Variants in SHPRH observed in about 807,000 individuals in gnomAD.
SHPRH encodes SNF2 histone linker PHD RING helicase, also known as E3 ubiquitin-protein ligase SHPRH.
SHPRH carries 106 observed loss-of-function variants against 202.5 expected under a neutral mutation model. The observed-to-expected ratio is 0.52, with a 90% CI of 0.45 to 0.62. The LOEUF is 0.62. Among genes scored for constraint, SHPRH ranks in the 20% least tolerant of loss-of-function variants. The pLI is 0.00. For synonymous variants in SHPRH, 729 were observed against 686.0 expected, an observed-to-expected ratio of 1.06 and a Z score of -0.98; for missense variants, 1,710 against 2,020.0, an observed-to-expected ratio of 0.85 and a Z score of 2.94.
chr6:145,921,049 T>C, intron 21 of SHPRH, 118 bp downstream of exon 21: 2 of 795,758 alleles, frequency 2.5e-6, no homozygotes, highest in Non-Finnish European at 3.9e-6. Flanking sequence ...AGAGAAATTA[T>C]GCCACCTCAA....
Position 145,891,986 on chromosome 6 carries a change from G to A in SHPRH, c.4874+1229C>T, listed in dbSNP as rs190699751. Among the ~76,000 whole-genome samples the A allele has an allele frequency of 2.0e-3, 308 of 152,188 alleles. 1 individual carries two copies. Among genetic ancestry groups the A allele is most frequent in the African/African-American group, 7.1e-3 (294 of 41,530 alleles). ...CTTGGTGGTATGTTAGAACAAGCCC[G>A]CATTTATTACAGTTACTTTGCCCTA... is the stretch of plus-strand genomic sequence containing the variant. On this transcript the variant is annotated intron_variant, in intron 28 of 29. Coordinates refer to ENST00000275233, the MANE Select transcript of SHPRH (RefSeq NM_001042683.3).
rs117647686 is a variant in SHPRH at position 145,890,999 on chromosome 6, G to C, written c.4874+2216C>G. Among the ~76,000 whole-genome samples the C allele has an allele frequency of 4.2e-3, 637 of 152,094 alleles. 18 individuals are homozygous for C. The East Asian group carries it at 0.071, about 17-fold the overall frequency. On this transcript the variant is annotated intron_variant, in intron 28 of 29. Transcript: ENST00000275233. ...CCAGGATGACTGCAATAGCCTCCAAGACTCTCCCTGCTTCTACTCTTCCTT... is the reference window on the plus strand; with the variant it reads ...CCAGGATGACTGCAATAGCCTCCAACACTCTCCCTGCTTCTACTCTTCCTT...
chr6:145,873,244 T>C (rs1460737238), intron 2 of SHPRH, among the ~76,000 whole-genome samples: 1 of 151,956 alleles, frequency 6.6e-6, no homozygotes, highest in African/African-American at 2.4e-5. Flanking sequence ...GCTGTGGAGA[T>C]GATGAAAAGT....
chr6:145,898,870 G>A (rs1782244983), intron 25 of SHPRH, among the ~76,000 whole-genome samples: 1 of 152,030 alleles, frequency 6.6e-6, no homozygotes, highest in Non-Finnish European at 1.5e-5. Context: ...GGAGTGCAGT[G>A]GTGTAATTAC....
intron 20 of SHPRH, 140 bp from the exon 21 acceptor site, chr6:145,921,532 T>C: frequency 1.4e-6 from 1 of 723,168 alleles, no homozygotes. Context: ...ACATCATAAA[T>C]TTGGCCAGTT....
chr6:145,919,144 A>C (rs1218516666), intron 22 of SHPRH: 2 of 585,736 alleles, frequency 3.4e-6, no homozygotes, highest in East Asian at 6.4e-5. Flanking sequence ...AATAGTGAAC[A>C]CTAAGCATGT....
chr6:145,958,499 T>C (rs949691323), intron 1 of SHPRH, among the ~76,000 whole-genome samples: 21 of 151,986 alleles, frequency 1.4e-4, no homozygotes, highest in African/African-American at 3.9e-4. Context: ...CCAATAACCA[T>C]AAAAGAAACT....
chr6:145,951,565 A>G (rs940336768), intron 3 of SHPRH, among the ~76,000 whole-genome samples: 4 of 152,100 alleles, frequency 2.6e-5, no homozygotes, highest in East Asian at 3.9e-4. Flanking sequence ...TTAAAAGGCC[A>G]TAAGTTTAAA....
At position 145,919,338 on chromosome 6, in the gene SHPRH, T is replaced by C. The variant is rs955671530; in HGVS notation, c.4152+10A>G. On this transcript the variant is annotated intron_variant, in intron 22 of 29. Transcript: ENST00000275233. ...GCTGTTCCCTTTTCTGTGATTTACT[T>C]GCCAATTACCTCATGTGGTTCAATG... is the stretch of plus-strand genomic sequence containing the variant. 1.2e-6 allele frequency: 2 copies of C among 1,612,208 alleles called. No individual in the cohort carries two copies. The highest frequency in any genetic ancestry group is 1.7e-5 in the Admixed American group (1 of 59,842).
rs1357182788 is a variant in SHPRH, at chr6:145,924,780, A to T, written c.3361T>A (p.Leu1121Ile). Residue 1121 changes from leucine (L) to isoleucine (I), a missense_variant, in exon 17 of 30, where the codon TTA becomes ATA. Physicochemically the swap from Leu to Ile is conservative, Grantham distance 5. Coordinates refer to ENST00000275233, the MANE Select transcript of SHPRH (RefSeq NM_001042683.3). The part of the protein sequence containing the change: ...NTEVAEAQQA[L>I]YPVQQTIHEL... ...TGGATGGTCTGCTGCACAGGATATAAAGCTTGCTGGGCTTCAGCAACTTCT... is the reference window on the plus strand; with the variant it reads ...TGGATGGTCTGCTGCACAGGATATATAGCTTGCTGGGCTTCAGCAACTTCT... The T allele has an allele frequency of 2.5e-6, 4 of 1,611,730 alleles. No individual in the cohort carries two copies. The African/African-American group carries it at 4.0e-5, about 16-fold the overall frequency.
intron 28 of SHPRH, 52 bp downstream of exon 28, chr6:145,893,163 G>C (rs1781715018): frequency 2.1e-6 from 3 of 1,443,886 alleles, no homozygotes; most frequent in Non-Finnish European, 2.7e-6. Flanking sequence ...ATACTGATTT[G>C]GTTTCTCAGA....
intron 1 of SHPRH, among the ~76,000 whole-genome samples, chr6:145,957,368 T>A (rs900231401): frequency 6.6e-6 from 1 of 152,082 alleles, no homozygotes; most frequent in African/African-American, 2.4e-5. Flanking sequence ...CTAAGTTTCA[T>A]CAAAATTAAA....
chr6:145,930,436 T>C (rs1785318154), intron 14 of SHPRH, among the ~76,000 whole-genome samples: 1 of 152,186 alleles, frequency 6.6e-6, no homozygotes, highest in South Asian at 2.1e-4. Flanking sequence ...CAAATTTTGA[T>C]ATTTCATTTT....
chr6:145,893,079 T>C, intron 28 of SHPRH, 136 bp downstream of exon 28: 2 of 555,108 alleles, frequency 3.6e-6, no homozygotes, highest in Non-Finnish European at 5.3e-6. Context: ...ATAAAATAAA[T>C]AATTAAAAAA....
intron 11 of SHPRH, among the ~76,000 whole-genome samples, chr6:145,940,035 C>A (rs541994652): frequency 1.3e-5 from 2 of 152,152 alleles, no homozygotes; most frequent in East Asian, 3.9e-4. Flanking sequence ...TTAAACTTTT[C>A]ATTTTAGATA....
chr6:145,961,884 A>C (rs982539985), intron 1 of SHPRH, among the ~76,000 whole-genome samples: 5 of 152,224 alleles, frequency 3.3e-5, no homozygotes, highest in Non-Finnish European at 7.3e-5. Flanking sequence ...TTCTTGAACC[A>C]AAGAAAATAG....
intron 2 of SHPRH, among the ~76,000 whole-genome samples, chr6:145,870,264 T>G (rs1237106247): frequency 1.4e-5 from 2 of 146,942 alleles, no homozygotes; most frequent in African/African-American, 5.0e-5. Context: ...TTCAGATTTT[T>G]TTTTTTTTTT....
At chr6:145,925,544 T>C (rs1784802267) in intron 16 of SHPRH, among the ~76,000 whole-genome samples, 1 of 151,970 alleles carries the variant, frequency 6.6e-6, no homozygotes, top group East Asian at 1.9e-4. Flanking sequence ...GCTGTGCTTA[T>C]TTATATAATC....
rs558908826 is a variant in SHPRH, at chr6:145,893,316, T to G, written c.4773A>C (p.Leu1591Phe). The change falls in exon 28 of 30, where the codon TTA becomes TTC. Residue 1591 changes from leucine to phenylalanine, a missense_variant. Leu to Phe is a conservative substitution (Grantham distance 22). Coordinates refer to ENST00000275233, the MANE Select transcript of SHPRH (RefSeq NM_001042683.3). ...GAACATGAGTTGCTTCAATGATAGT[T>G]AATCCATTAGAACCTGTGTGCAGGG... ...LLPLHTGSNG[L>F]TIIEATHVLL... The G allele has an allele frequency of 6.2e-7, 1 of 1,606,480 alleles. No individual in the cohort carries two copies. Among genetic ancestry groups the G allele is most frequent in the African/African-American group, 1.3e-5 (1 of 74,474 alleles).
Sources: allele counts gnomAD v4.1 joint callset (sites outside exome capture counted in the v4.1 genomes callset), GRCh38; gene constraint gnomAD v4.1.1; transcripts MANE v1.5; gene names NCBI Gene and HGNC (gene_info 2026-07-23, HGNC 2026-07-21).